Variants in LRRC39 observed in about 807,000 individuals in gnomAD.
LRRC39 encodes leucine rich repeat containing 39.
Under a neutral mutation model 39.7 loss-of-function variants are expected in LRRC39, and 35 were observed. The observed-to-expected ratio is 0.88, with a 90% CI of 0.67 to 1.17. The LOEUF is 1.17. LRRC39 is among the 50% of genes most tolerant of loss of function. The probability of loss-of-function intolerance (pLI) is 0.00; values close to 1 mark genes in which losing one functional copy is unlikely to be tolerated. For missense variants in LRRC39, 357 were observed against 385.8 expected (o/e 0.93, Z 0.62); for synonymous variants, 113 against 134.1 (o/e 0.84, Z 1.09).
intron 9 of LRRC39, among the ~76,000 whole-genome samples, chr1:100,150,973 C>T (rs997509768): frequency 1.1e-4 from 17 of 151,782 alleles, no homozygotes; most frequent in South Asian, 2.1e-4. Context: ...ACTAAAAATA[C>T]GAAATTAGTG....
chr1:100,156,343 AAATAAAT>A, intron 6 of LRRC39, 26 bp from the exon 7 acceptor site: 1 of 1,580,052 alleles, frequency 6.3e-7, no homozygotes, highest in Admixed American at 1.7e-5. Flanking sequence ...AGGTTTTTCA[AAATAAAT>A]GTCCACAATG....
chr1:100,174,806 T>C (rs1659851453), intron 1 of LRRC39, among the ~76,000 whole-genome samples: 1 of 152,242 alleles, frequency 6.6e-6, no homozygotes, highest in Admixed American at 6.5e-5. Context: ...GGAAAAGATA[T>C]ACTATATCAC....
At chr1:100,172,057 C>T (rs1456013393) in intron 2 of LRRC39, among the ~76,000 whole-genome samples, 1 of 152,016 alleles carries the variant, frequency 6.6e-6, no homozygotes, top group East Asian at 1.9e-4. Context: ...GATAAACACA[C>T]ACATGTATAA....
Position 100,168,617 on chromosome 1 carries a change from G to A in LRRC39, c.-78-23C>T, listed in dbSNP as rs566462127. ...GACCTAAATGTACCAGAGAAAAAAA[G>A]CAATGTTTCAGACTGTTCATTGAGT... On this transcript the variant is annotated intron_variant, in intron 2 of 9. Transcript: ENST00000370137. The A allele has an allele frequency of 1.9e-4, 161 of 846,158 alleles. 2 individuals are homozygous for A. The South Asian group carries it at 2.4e-3, about 13-fold the overall frequency. The allele number at this position is 846,158 out of a possible 1,614,324, so 52.4% of individuals were successfully genotyped here.
At chr1:100,158,034 A>C (rs1003427325) in intron 6 of LRRC39, among the ~76,000 whole-genome samples, 197 bp downstream of exon 6, 1 of 152,264 alleles carries the variant, frequency 6.6e-6, no homozygotes, top group African/African-American at 2.4e-5. Flanking sequence ...TACTGTGATA[A>C]TAATAGAAGT....
At chr1:100,159,699 G>C (rs1230976578) in intron 4 of LRRC39, among the ~76,000 whole-genome samples, 2 of 140,640 alleles carry the variant, frequency 1.4e-5, no homozygotes, top group Non-Finnish European at 3.0e-5. Flanking sequence ...CACACATCCA[G>C]TATGTCCTGA....
intron 7 of LRRC39, 131 bp from the exon 8 acceptor site, chr1:100,155,334 G>A: frequency 5.2e-6 from 4 of 764,338 alleles, no homozygotes; most frequent in Non-Finnish European, 7.6e-6. Context: ...CCTGAGCTCA[G>A]GCTATTCTCC....
At chr1:100,168,661 G>C in intron 2 of LRRC39, 67 bp from the exon 3 acceptor site, 1 of 594,512 alleles carries the variant, frequency 1.7e-6, no homozygotes, top group Non-Finnish European at 2.9e-6. Flanking sequence ...GATCATAATA[G>C]CTAATATTTA....
chr1:100,161,561 G>A (rs1166716093), intron 3 of LRRC39, among the ~76,000 whole-genome samples: 2 of 152,096 alleles, frequency 1.3e-5, no homozygotes, highest in African/African-American at 2.4e-5. Flanking sequence ...GAATATTGAT[G>A]TACAAATTTT....
upstream of LRRC39, among the ~76,000 whole-genome samples, chr1:100,178,777 T>C (rs1660108577): frequency 6.6e-6 from 1 of 152,154 alleles, no homozygotes; most frequent in Non-Finnish European, 1.5e-5. Flanking sequence ...ATTTATAATA[T>C]ATGCACATGG....
At position 100,159,836 on chromosome 1, in the gene LRRC39, A is replaced by G. The variant is rs548839018; in HGVS notation, c.220-421T>C. 7.9e-5 allele frequency among the ~76,000 whole-genome samples: 12 copies of G among 152,004 alleles called. No individual in the cohort carries two copies. The East Asian group carries it at 2.3e-3, about 29-fold the overall frequency. ...TCCACTTCTGTTTTGAAATACACGA[A>G]TATTTTTAAAAATTTATTTTTTAAT... is the stretch of plus-strand genomic sequence containing the variant. On this transcript the variant is annotated intron_variant, in intron 4 of 9. Transcript: ENST00000370137.
intron 7 of LRRC39, 33 bp from the exon 8 acceptor site, chr1:100,155,236 TATA>T: frequency 1.3e-6 from 2 of 1,499,660 alleles, no homozygotes; most frequent in Non-Finnish European, 1.8e-6. Flanking sequence ...ATTAATTACA[TATA>T]ATATGAAAAT....
At chr1:100,152,621 C>G in intron 8 of LRRC39, 97 bp from the exon 9 acceptor site, 1 of 1,279,404 alleles carries the variant, frequency 7.8e-7, no homozygotes, top group Non-Finnish European at 1.1e-6. Context: ...CTAAATTACT[C>G]GTTTTTAACT....
In LRRC39 at chr1:100,148,659, C is replaced by T. The variant is rs1570754425; in HGVS notation, c.*383G>A. On this transcript the variant is annotated 3_prime_UTR_variant, in exon 10 of 10. Transcript: ENST00000370137. ...TGTTGAAGAAAAGAAGAAAATAGGG[C>T]ATCTTTGTAAATTGCTGATTGACCA... The T allele has an allele frequency of 6.2e-6, 10 of 1,610,858 alleles. No homozygotes were observed. In the East Asian group the frequency reaches 2.2e-4, roughly 36 times the overall value.
At chr1:100,155,891 AAGTC>A (rs1486621908) in intron 7 of LRRC39, among the ~76,000 whole-genome samples, 1 of 152,180 alleles carries the variant, frequency 6.6e-6, no homozygotes, top group African/African-American at 2.4e-5. Context: ...TAATTTCTCA[AAGTC>A]AGCCACTTTT....
At chr1:100,168,697 C>T in intron 2 of LRRC39, 103 bp from the exon 3 acceptor site, 1 of 522,828 alleles carries the variant, frequency 1.9e-6, no homozygotes, top group South Asian at 3.0e-5. Context: ...GCTCCAAAAA[C>T]TATTTTATAT....
At chr1:100,174,660 A>G (rs1393473997) in intron 1 of LRRC39, among the ~76,000 whole-genome samples, 2 of 152,224 alleles carry the variant, frequency 1.3e-5, no homozygotes, top group African/African-American at 2.4e-5. Flanking sequence ...TATTACCAAA[A>G]TTAATTCCAT....
chr1:100,149,597 T>A, intron 9 of LRRC39: 1 of 568,486 alleles, frequency 1.8e-6, no homozygotes, highest in Non-Finnish European at 3.0e-6. Flanking sequence ...TTTTTATATA[T>A]GTAGGCACAA....
In LRRC39 at chr1:100,156,725, C is replaced by A. The variant is rs1462019588; in HGVS notation, c.514-408G>T. Among the ~76,000 whole-genome samples the A allele has an allele frequency of 9.2e-5, 14 of 152,158 alleles. 1 individual carries two copies. The highest frequency in any genetic ancestry group is 1.5e-5 in the Non-Finnish European group (1 of 68,030). ...GAAAGGGGTAGCTCATGCCTATAAT[C>A]CTAGCATTTTGCTAGGCAATTTGGT... On this transcript the variant is annotated intron_variant, in intron 6 of 9. Coordinates refer to ENST00000370137, the MANE Select transcript of LRRC39 (RefSeq NM_144620.4).
Sources: allele counts gnomAD v4.1 joint callset (sites outside exome capture counted in the v4.1 genomes callset), GRCh38; gene constraint gnomAD v4.1.1; transcripts MANE v1.5; gene names NCBI Gene and HGNC (gene_info 2026-07-23, HGNC 2026-07-21).